The following GREB1 variants were observed in gnomAD, a reference collection of about 807,000 sequenced individuals.
GREB1 encodes protein GREB1.
GREB1 carries 106 observed loss-of-function variants against 200.7 expected under a neutral mutation model. The ratio of observed to expected loss-of-function variants is 0.53; its 90% CI spans 0.45 to 0.62. The LOEUF is 0.62. Among genes scored for constraint, GREB1 ranks in the 20% least tolerant of loss-of-function variants. The pLI is 0.00. For synonymous variants in GREB1, 1,132 were observed against 1,092.4 expected (o/e 1.04, Z -0.72); for missense variants, 2,243 against 2,556.8 (o/e 0.88, Z 2.65).
chr2:11,523,927 A>C (rs1383135585), intron 1 of GREB1, among the ~76,000 whole-genome samples: 1 of 152,230 alleles, frequency 6.6e-6, no homozygotes, highest in East Asian at 1.9e-4. Flanking sequence ...GATGGTACCC[A>C]TGAATTCATA....
intron 4 of GREB1, among the ~76,000 whole-genome samples, chr2:11,570,137 G>C (rs1211822371): frequency 1.4e-4 from 22 of 152,086 alleles, no homozygotes; most frequent in Non-Finnish European, 1.5e-4. Flanking sequence ...GGCCAGGTGT[G>C]GTGGCTCATG....
In GREB1 at chr2:11,626,963, C is replaced by T. The variant is rs201880234; in HGVS notation, c.4308C>T (p.Asp1436=). The T allele has an allele frequency of 1.2e-6, 2 of 1,613,984 alleles. No homozygotes were observed. Among genetic ancestry groups the T allele is most frequent in the African/African-American group, 2.7e-5 (2 of 74,918 alleles). ...CSHYQGIKSE[D]RGMSRKPEDL... ...TTAATCCTGGGGAATTTGGTGCAGACAGAGGGATGTCCCGGAAGCCGGAGG... is the reference window on the plus strand; with the variant it reads ...TTAATCCTGGGGAATTTGGTGCAGATAGAGGGATGTCCCGGAAGCCGGAGG... The change falls in exon 25 of 33, where the codon GAC becomes GAT. Residue 1436 remains aspartate (D), a splice_region_variant and synonymous_variant. Coordinates refer to ENST00000381486, the MANE Select transcript of GREB1 (RefSeq NM_014668.4).
At chr2:11,628,664 C>A (rs1243329521) in intron 25 of GREB1, among the ~76,000 whole-genome samples, 1 of 152,122 alleles carries the variant, frequency 6.6e-6, no homozygotes, top group African/African-American at 2.4e-5. Context: ...CATGAAAACA[C>A]GTCCTTGATT....
At chr2:11,603,174 A>G (rs1681939947) in intron 17 of GREB1, among the ~76,000 whole-genome samples, 1 of 152,234 alleles carries the variant, frequency 6.6e-6, no homozygotes, top group African/African-American at 2.4e-5. Flanking sequence ...GATGAAATTG[A>G]GGCTCAGACA....
At chr2:11,596,020 C>A in intron 12 of GREB1, 91 bp from the exon 13 acceptor site, 2 of 1,291,862 alleles carry the variant, frequency 1.5e-6, no homozygotes, top group Non-Finnish European at 2.2e-6. Flanking sequence ...GACTCCAGGC[C>A]TCGGGACAGT....
At chr2:11,617,702 C>T (rs561134134) in intron 21 of GREB1, among the ~76,000 whole-genome samples, 18 of 152,178 alleles carry the variant, frequency 1.2e-4, no homozygotes, top group East Asian at 9.7e-4. Context: ...CGGGTGTGTG[C>T]GGTGGCCGCA....
intron 2 of GREB1, among the ~76,000 whole-genome samples, chr2:11,558,994 A>T (rs1456363570): frequency 6.6e-6 from 1 of 152,250 alleles, no homozygotes; most frequent in East Asian, 1.9e-4. Flanking sequence ...AGAGATCAAC[A>T]AAACAGACAC....
chr2:11,572,342 G>C (rs1313362188), intron 4 of GREB1, among the ~76,000 whole-genome samples: 1 of 152,196 alleles, frequency 6.6e-6, no homozygotes. Context: ...GGCTTCTAGA[G>C]GCATCCCTGA....
intron 7 of GREB1, among the ~76,000 whole-genome samples, chr2:11,584,569 T>C (rs1679874144): frequency 6.6e-6 from 1 of 152,210 alleles, no homozygotes; most frequent in East Asian, 1.9e-4. Flanking sequence ...GTGAAGATGA[T>C]GATGATGTGG....
At chr2:11,624,605 A>G (rs1261604609) in intron 23 of GREB1, among the ~76,000 whole-genome samples, 1 of 151,846 alleles carries the variant, frequency 6.6e-6, no homozygotes, top group East Asian at 1.9e-4. Flanking sequence ...TCGGCCTCCC[A>G]AAGTGCTGGG....
At chr2:11,541,397 G>A (rs1180558365) in intron 1 of GREB1, among the ~76,000 whole-genome samples, 1 of 151,714 alleles carries the variant, frequency 6.6e-6, no homozygotes, top group Non-Finnish European at 1.5e-5. Flanking sequence ...GAGGCTCTGT[G>A]CACAGGCGGG....
intron 1 of GREB1, among the ~76,000 whole-genome samples, chr2:11,491,752 T>C (rs1029978039): frequency 4.6e-5 from 7 of 152,218 alleles, no homozygotes; most frequent in African/African-American, 1.7e-4. Flanking sequence ...GGAGTGAGGC[T>C]GGAGGCCATA....
Position 11,595,348 on chromosome 2 carries a change from G to T in GREB1, c.1794G>T (p.Ser598=). Residue 598 remains serine (S), a synonymous_variant, in exon 12 of 33, where the codon TCG becomes TCT. Transcript: ENST00000381486. The stretch of plus-strand genomic sequence containing the variant: ...AGCTGGTTACGGGGAAGGTAGACTC[G>T]CTGGGGGCCTTCTTTAGCACCCTCT... The part of the protein sequence containing the change: ...NYELVTGKVD[S]LGAFFSTLCP... 6.2e-7 allele frequency: 1 copy of T among 1,613,864 alleles called. No homozygotes were observed. The highest frequency in any genetic ancestry group is 8.5e-7 in the Non-Finnish European group (1 of 1,179,850).
At chr2:11,557,608 G>A (rs531165756) in intron 2 of GREB1, among the ~76,000 whole-genome samples, 4 of 152,306 alleles carry the variant, frequency 2.6e-5, no homozygotes, top group South Asian at 4.1e-4. Context: ...AGAGAAGAAC[G>A]AGGTGTGGAG....
At position 11,534,169 on chromosome 2, in the gene GREB1, A is replaced by C. The variant is rs11685032; in HGVS notation, c.-247A>C. On this transcript the variant is annotated 5_prime_UTR_variant, in exon 1 of 33. Coordinates refer to ENST00000381486, the MANE Select transcript of GREB1 (RefSeq NM_014668.4). ...CAGCTCTTGAGGACCTGCCAAATGGAAGAAGGACAGAGACCTGGAGCCCTA... is the reference window on the plus strand; with the variant it reads ...CAGCTCTTGAGGACCTGCCAAATGGCAGAAGGACAGAGACCTGGAGCCCTA... 0.44 allele frequency: 67,339 copies of C among 152,082 alleles called. 18,391 individuals are homozygous for C. Among genetic ancestry groups the C allele is most frequent in the South Asian group, 0.66 (3,176 of 4,824 alleles). 9.4% of individuals were successfully genotyped at this position (152,082 alleles called of 1,614,324 possible). A position where few individuals can be genotyped will look rare whatever the true frequency, so the allele number is the denominator to read the frequency against.
At chr2:11,638,041 G>T in intron 31 of GREB1, 125 bp downstream of exon 31, 1 of 814,570 alleles carries the variant, frequency 1.2e-6, no homozygotes, top group Non-Finnish European at 2.0e-6. Context: ...ACCCCACTTT[G>T]TAGGTTTTGC....
chr2:11,606,359 A>G (rs560926727), intron 17 of GREB1, among the ~76,000 whole-genome samples: 1 of 152,334 alleles, frequency 6.6e-6, no homozygotes, highest in South Asian at 2.1e-4. Flanking sequence ...AGTATTTTAA[A>G]TTTTATTCAT....
At chr2:11,490,031 G>GTT (rs1490305780) in intron 1 of GREB1, among the ~76,000 whole-genome samples, 1 of 149,188 alleles carries the variant, frequency 6.7e-6, no homozygotes, top group Non-Finnish European at 1.5e-5. Flanking sequence ...AATTATATAT[G>GTT]TTATATATAT....
rs1327051546 is a variant in GREB1 at position 11,563,706 on chromosome 2, CT to C, written c.277+1125del. Among the ~76,000 whole-genome samples the C allele has an allele frequency of 3.9e-5, 6 of 152,318 alleles. No homozygotes were observed. In the East Asian group the frequency reaches 5.8e-4, roughly 15 times the overall value. The stretch of plus-strand genomic sequence containing the variant: ...TTTACATATGACACTATGGTACCCC[CT>C]ATACAAATATTTCTGGAATGCCTAC... On this transcript the variant is annotated intron_variant, in intron 3 of 32. Transcript: ENST00000381486.
Sources: allele counts gnomAD v4.1 joint callset (sites outside exome capture counted in the v4.1 genomes callset), GRCh38; gene constraint gnomAD v4.1.1; transcripts MANE v1.5; gene names NCBI Gene and HGNC (gene_info 2026-07-23, HGNC 2026-07-21).